The following B3GALT1 variants were observed in gnomAD, a reference collection of about 807,000 sequenced individuals.
B3GALT1 encodes the protein UDP-Gal:betaGlcNAc beta 1,3-galactosyltransferase, polypeptide 1.
A neutral mutation model predicts 23.2 loss-of-function variants in B3GALT1; 10 were observed. The ratio of observed to expected loss-of-function variants is 0.43; its 90% CI spans 0.27 to 0.73. B3GALT1 has a LOEUF of 0.73. Ranked by LOEUF, B3GALT1 falls within the 30% of genes least tolerant of loss-of-function variation. B3GALT1 has a pLI of 0.21. For synonymous variants in B3GALT1, 156 were observed against 141.5 expected, an observed-to-expected ratio of 1.10 and a Z score of -0.73; for missense variants, 299 against 405.4, an observed-to-expected ratio of 0.74 and a Z score of 2.25.
chr2:167,626,325 G>A (rs1223253047), intron 2 of B3GALT1, among the ~76,000 whole-genome samples: 2 of 151,490 alleles, frequency 1.3e-5, no homozygotes, highest in African/African-American at 2.4e-5. Context: ...CATTAAATAT[G>A]TGTATCTTCT....
intron 2 of B3GALT1, among the ~76,000 whole-genome samples, chr2:167,572,030 G>A (rs773962929): frequency 5.9e-5 from 9 of 151,750 alleles, no homozygotes; most frequent in Admixed American, 2.6e-4. Flanking sequence ...CTCTTATATT[G>A]ATGCAATGTT....
At chr2:167,813,982 C>T (rs900087922) in intron 3 of B3GALT1, among the ~76,000 whole-genome samples, 2 of 152,138 alleles carry the variant, frequency 1.3e-5, no homozygotes, top group Non-Finnish European at 2.9e-5. Flanking sequence ...ACCTTCTGCA[C>T]CCTAAACTGG....
At position 167,869,283 on chromosome 2, in the gene B3GALT1, A is replaced by G. The variant is rs762893781; in HGVS notation, c.244A>G (p.Ile82Val). Reference sequence around the variant, plus strand: ...TGAGAAAAACATTCCTTTTCTTGTTATCCTCATCAGCACCACTCACAAGGA... The same window carrying G: ...TGAGAAAAACATTCCTTTTCTTGTTGTCCTCATCAGCACCACTCACAAGGA... ...KCEKNIPFLV[I>V]LISTTHKEFD... The change falls in exon 5 of 5, where the codon ATC becomes GTC. Residue 82 changes from isoleucine to valine, a missense_variant. Transcript: ENST00000392690. The surrounding 1 kb of genome is among the most constrained non-coding windows in gnomAD (Gnocchi z 6.4). 2.5e-6 allele frequency: 4 copies of G among 1,614,064 alleles called. No homozygotes were observed. In the Admixed American group the frequency reaches 5.0e-5, roughly 20 times the overall value.
intron 3 of B3GALT1, among the ~76,000 whole-genome samples, chr2:167,743,895 T>C (rs1037371363): frequency 6.6e-6 from 1 of 152,126 alleles, no homozygotes; most frequent in African/African-American, 2.4e-5. Context: ...TCTAACTTCC[T>C]AATTTGATGG....
intron 2 of B3GALT1, among the ~76,000 whole-genome samples, chr2:167,545,023 CTTTTTTTTTTTTT>C (rs869066627): frequency 1.4e-3 from 78 of 54,286 alleles, no homozygotes; most frequent in Admixed American, 2.5e-3. Context: ...GCTTGGGTGT[CTTTTTTTTTTTTT>C]TTTTTTTTTT....
chr2:167,598,333 C>T (rs1178347981), intron 2 of B3GALT1, among the ~76,000 whole-genome samples: 2 of 151,642 alleles, frequency 1.3e-5, no homozygotes, highest in African/African-American at 4.9e-5. Flanking sequence ...ATACATATTG[C>T]ATAATATAGA....
At chr2:167,483,732 TAGCTC>T (rs1416699001) in intron 1 of B3GALT1, among the ~76,000 whole-genome samples, 1 of 152,200 alleles carries the variant, frequency 6.6e-6, no homozygotes, top group Non-Finnish European at 1.5e-5. Flanking sequence ...CCTTGTAAAA[TAGCTC>T]AATCAGCCCT....
At chr2:167,758,071 G>T (rs1254756458) in intron 3 of B3GALT1, among the ~76,000 whole-genome samples, 1 of 152,188 alleles carries the variant, frequency 6.6e-6, no homozygotes, top group African/African-American at 2.4e-5. Flanking sequence ...GAATTCCAAT[G>T]GGAGTAGCAT....
chr2:167,816,712 G>C (rs1457316833), intron 3 of B3GALT1, among the ~76,000 whole-genome samples: 4 of 152,170 alleles, frequency 2.6e-5, no homozygotes, highest in Non-Finnish European at 5.9e-5. Context: ...ATATCGTAGA[G>C]TAAAATCTTT....
chr2:167,555,796 T>C (rs1474800875), intron 2 of B3GALT1, among the ~76,000 whole-genome samples: 1 of 152,162 alleles, frequency 6.6e-6, no homozygotes, highest in East Asian at 1.9e-4. Context: ...TAATATATCC[T>C]ATTTCCTTGG....
In B3GALT1 at chr2:167,393,443, A is replaced by G. The variant is rs900529511; in HGVS notation, c.-510-96734A>G. On this transcript the variant is annotated intron_variant, in intron 1 of 4. Coordinates refer to ENST00000392690, the MANE Select transcript of B3GALT1 (RefSeq NM_020981.4). ...GTTAGGAAAGGACCCTGAAAGCAACATGGATCTCATTTTGTTTCTCCCCTA... is the reference window on the plus strand; with the variant it reads ...GTTAGGAAAGGACCCTGAAAGCAACGTGGATCTCATTTTGTTTCTCCCCTA... Among the ~76,000 whole-genome samples, 5 of 152,214 alleles carry G rather than the reference A, an allele frequency of 3.3e-5. No individual in the cohort carries two copies. The East Asian group carries it at 9.7e-4, about 29-fold the overall frequency.
intron 2 of B3GALT1, among the ~76,000 whole-genome samples, chr2:167,566,055 T>C (rs1011296482): frequency 9.2e-5 from 14 of 152,158 alleles, no homozygotes; most frequent in African/African-American, 2.7e-4. Context: ...TGCATACATA[T>C]GTTTATTGCG....
At chr2:167,834,952 G>C (rs1464234413) in intron 4 of B3GALT1, among the ~76,000 whole-genome samples, 1 of 152,130 alleles carries the variant, frequency 6.6e-6, no homozygotes, top group Non-Finnish European at 1.5e-5. Flanking sequence ...CTCTGCCTCT[G>C]TCTTACATCT....
At position 167,714,132 on chromosome 2, in the gene B3GALT1, G is replaced by A. The variant is rs1321592449; in HGVS notation, c.-352+67166G>A. 5.9e-6 allele frequency: 9 copies of A among 1,526,088 alleles called. No homozygotes were observed. The East Asian group carries it at 1.1e-4, about 19-fold the overall frequency. 94.5% of individuals were successfully genotyped at this position (1,526,088 alleles called of 1,614,324 possible). A position where few individuals can be genotyped will look rare whatever the true frequency, so the allele number is the denominator to read the frequency against. ...GACCCATCCATTTTATCCAAACAAG[G>A]CATATTAAAACTTCTGAGTTCTGCT... On this transcript the variant is annotated intron_variant, in intron 3 of 4. Coordinates refer to ENST00000392690, the MANE Select transcript of B3GALT1 (RefSeq NM_020981.4).
intron 2 of B3GALT1, among the ~76,000 whole-genome samples, chr2:167,604,701 AAGG>A (rs1558921793): frequency 6.6e-6 from 1 of 152,184 alleles, no homozygotes; most frequent in Non-Finnish European, 1.5e-5. Flanking sequence ...CAGTGATCAT[AAGG>A]AGAAGCTTAA....
chr2:167,679,147 A>G (rs1289873717), intron 3 of B3GALT1, among the ~76,000 whole-genome samples: 1 of 145,904 alleles, frequency 6.9e-6, no homozygotes, highest in Non-Finnish European at 1.5e-5. Flanking sequence ...ACAGAGTTTC[A>G]CTCTTGTCAC....
chr2:167,870,032 A>G lies in B3GALT1; in HGVS notation c.*12A>G, dbSNP rs760913792. On this transcript the variant is annotated 3_prime_UTR_variant, in exon 5 of 5. Transcript: ENST00000392690. ...ATCTCAGATGTTAGGATTTTTACCA[A>G]TGTAAATATGTTTCTTTTCTTTTTT... 8.3e-6 allele frequency: 13 copies of G among 1,565,722 alleles called. No individual in the cohort carries two copies. The highest frequency in any genetic ancestry group is 3.7e-5 in the Admixed American group (2 of 53,566).
intron 3 of B3GALT1, among the ~76,000 whole-genome samples, chr2:167,716,278 CT>C (rs1485395411): frequency 6.6e-6 from 1 of 152,228 alleles, no homozygotes; most frequent in Non-Finnish European, 1.5e-5. Flanking sequence ...CTCGGCCCCC[CT>C]GTTACACTTT....
intron 1 of B3GALT1, among the ~76,000 whole-genome samples, chr2:167,447,223 G>A (rs58529068): frequency 0.035 from 5,402 of 152,260 alleles, 302 homozygotes; most frequent in African/African-American, 0.12. Flanking sequence ...TCCTCTGGAA[G>A]CTTCGTCTCA....
Sources: gnomAD v4.1 joint callset for allele counts (sites outside exome capture counted in the v4.1 genomes callset) on GRCh38, gnomAD v4.1.1 for gene constraint, Gnocchi (gnomAD v3.1) non-coding constraint, MANE v1.5 for transcripts, NCBI Gene and HGNC (gene_info 2026-07-23, HGNC 2026-07-21) for gene names.